The following ADGRA1 variants were observed in gnomAD, a reference collection of about 807,000 sequenced individuals.
The protein encoded by ADGRA1 is G-protein coupled receptor 123.
ADGRA1 carries 12 observed loss-of-function variants against 21.3 expected under a neutral mutation model. The ratio of observed to expected loss-of-function variants is 0.56; its 90% CI spans 0.36 to 0.91. The LOEUF (loss-of-function observed/expected upper bound fraction) is 0.91, where lower values mean the gene tolerates loss of function less well. ADGRA1 is among the 40% of genes least tolerant of loss of function. The probability of loss-of-function intolerance (pLI) is 0.01; values close to 1 mark genes in which losing one functional copy is unlikely to be tolerated. For missense variants in ADGRA1, 790 were observed against 805.6 expected, an observed-to-expected ratio of 0.98 and a Z score of 0.23; for synonymous variants, 385 against 368.8, an observed-to-expected ratio of 1.04 and a Z score of -0.50.
intron 2 of ADGRA1, 113 bp downstream of exon 2, chr10:133,089,025 ACCGGGCTT>A (rs1180914120): frequency 2.8e-5 from 35 of 1,234,252 alleles, no homozygotes; most frequent in Non-Finnish European, 3.4e-5. Context: ...CGAGCTGGTG[ACCGGGCTT>A]CCGGGCTCAG....
At chr10:133,088,503 C>G (rs1333363192) in intron 1 of ADGRA1, 1 of 206,886 alleles carries the variant, frequency 4.8e-6, no homozygotes, top group Non-Finnish European at 9.5e-6. Flanking sequence ...GAGAAGGAGA[C>G]GCATCTGCCG....
chr10:133,110,906 G>A (rs1231748860), intron 5 of ADGRA1, among the ~76,000 whole-genome samples: 1 of 152,148 alleles, frequency 6.6e-6, no homozygotes, highest in African/African-American at 2.4e-5. Context: ...CACAGGTGCT[G>A]CTGGATAATT....
Position 133,129,087 on chromosome 10 carries a change from G to A in ADGRA1, c.1259G>A (p.Arg420Lys). Residue 420 changes from arginine to lysine, a missense_variant, in exon 7 of 7, where the codon AGA becomes AAA. By Grantham distance (26) the Arg-to-Lys change is conservative. This residue lies in a region of ADGRA1 where 391 missense variants were observed against 351.5 expected (regional missense o/e 1.11). Coordinates refer to ENST00000392607, the MANE Select transcript of ADGRA1 (RefSeq NM_001083909.3). ...DPHLHGCLQG[R>K]TKPPYFSRHP... ...CACCTGCACGGGTGCCTTCAGGGCAGAACTAAGCCGCCCTACTTTAGCCGG... is the reference window on the plus strand; with the variant it reads ...CACCTGCACGGGTGCCTTCAGGGCAAAACTAAGCCGCCCTACTTTAGCCGG... 1 of 1,550,256 alleles carries A rather than the reference G, an allele frequency of 6.5e-7. No individual in the cohort carries two copies. The highest frequency in any genetic ancestry group is 8.7e-7 in the Non-Finnish European group (1 of 1,145,464).
At position 133,128,718 on chromosome 10, in the gene ADGRA1, C is replaced by G. The variant is rs1229267231; in HGVS notation, c.890C>G (p.Thr297Ser). Reference protein sequence around the residue: ...FSCLYGAFCVTLGLFVLIHHC... With the variant: ...FSCLYGAFCVSLGLFVLIHHC... Reference sequence around the variant, plus strand: ...TGCCTGTACGGCGCCTTCTGCGTGACCCTGGGACTCTTCGTGCTCATCCAC... The same window carrying G: ...TGCCTGTACGGCGCCTTCTGCGTGAGCCTGGGACTCTTCGTGCTCATCCAC... Residue 297 changes from threonine (T) to serine (S), a missense_variant, in exon 7 of 7, where the codon ACC becomes AGC. Physicochemically the swap from Thr to Ser is moderately conservative, Grantham distance 58. This residue lies in a region of ADGRA1 where 17 missense variants were observed against 38.5 expected (regional missense o/e 0.44). Transcript: ENST00000392607. 2 of 1,612,198 alleles carry G rather than the reference C, an allele frequency of 1.2e-6. No homozygotes were observed. The highest frequency in any genetic ancestry group is 1.7e-6 in the Non-Finnish European group (2 of 1,179,630).
chr10:133,096,923 C>G, intron 2 of ADGRA1, 51 bp from the exon 3 acceptor site: 16 of 1,581,990 alleles, frequency 1.0e-5, no homozygotes, highest in Non-Finnish European at 1.4e-5. Flanking sequence ...ACGGCGCCGC[C>G]CACACAGACC....
At chr10:133,123,658 A>G (rs902062097) in intron 5 of ADGRA1, among the ~76,000 whole-genome samples, 5 of 152,152 alleles carry the variant, frequency 3.3e-5, no homozygotes, top group Admixed American at 2.6e-4. Context: ...AGAGGCCGTA[A>G]GGTCCGAAAT....
Position 133,122,883 on chromosome 10 carries a change from G to A in ADGRA1, c.402-4350G>A, listed in dbSNP as rs147787534. Among the ~76,000 whole-genome samples, 229 of 151,244 alleles carry A rather than the reference G, an allele frequency of 1.5e-3. 2 individuals are homozygous for A. Among genetic ancestry groups the A allele is most frequent in the African/African-American group, 5.2e-3 (211 of 40,736 alleles). ...CGCGTCCCCAGGCTGCACTGGCTTC[G>A]AGCTGTGTGTTCCTGGAGTTGTTGT... On this transcript the variant is annotated intron_variant, in intron 5 of 6. Transcript: ENST00000392607.
chr10:133,101,757 C>T (rs1333399567), intron 4 of ADGRA1, among the ~76,000 whole-genome samples: 1 of 152,206 alleles, frequency 6.6e-6, no homozygotes, highest in African/African-American at 2.4e-5. Flanking sequence ...CACGACCCCA[C>T]ACTCAGTGGC....
chr10:133,113,863 C>T (rs114867428), intron 5 of ADGRA1, among the ~76,000 whole-genome samples: 1,715 of 152,346 alleles, frequency 0.011, 39 homozygotes, highest in African/African-American at 0.039. Flanking sequence ...TGTGGACCCT[C>T]GGACGTCAGG....
intron 2 of ADGRA1, among the ~76,000 whole-genome samples, chr10:133,092,626 C>G (rs537216647): frequency 5.5e-4 from 83 of 152,092 alleles, no homozygotes; most frequent in Non-Finnish European, 1.1e-3. Flanking sequence ...ACATCAGGCT[C>G]TCAGGAAATC....
At chr10:133,121,487 G>A (rs1852255730) in intron 5 of ADGRA1, among the ~76,000 whole-genome samples, 1 of 149,200 alleles carries the variant, frequency 6.7e-6, no homozygotes, top group Non-Finnish European at 1.5e-5. Flanking sequence ...CATGTGTGGT[G>A]TGTGCCAGTG....
intron 5 of ADGRA1, among the ~76,000 whole-genome samples, chr10:133,126,479 G>A (rs1270115745): frequency 1.3e-5 from 2 of 152,170 alleles, no homozygotes. Context: ...CATGGGGGAT[G>A]GTCTCTGAGC....
chr10:133,123,699 G>A (rs1230662278), intron 5 of ADGRA1, among the ~76,000 whole-genome samples: 1 of 130,524 alleles, frequency 7.7e-6, no homozygotes, highest in African/African-American at 3.1e-5. Flanking sequence ...CGAGTTGTGG[G>A]GAGGACTGCC....
chr10:133,102,960 C>T, intron 5 of ADGRA1, 118 bp downstream of exon 5: 1 of 1,119,168 alleles, frequency 8.9e-7, no homozygotes, highest in Non-Finnish European at 1.3e-6. Context: ...TGATCCGGTC[C>T]ATGGGGGAGG....
chr10:133,111,429 G>A (rs11596931), intron 5 of ADGRA1, among the ~76,000 whole-genome samples: 100 of 9,246 alleles, frequency 0.011, 3 homozygotes, highest in Non-Finnish European at 0.012. Flanking sequence ...TGCCCACCAC[G>A]GACACCTCCC....
intron 5 of ADGRA1, among the ~76,000 whole-genome samples, chr10:133,119,603 C>A (rs1852220276): frequency 6.6e-6 from 1 of 152,212 alleles, no homozygotes; most frequent in African/African-American, 2.4e-5. Context: ...TCAGTAATGT[C>A]CACGGCATCT....
rs2135914732 is a variant in ADGRA1, at chr10:133,129,483, G to T, written c.1655G>T (p.Gly552Val). 1 of 1,597,760 alleles carries T rather than the reference G, an allele frequency of 6.3e-7. No homozygotes were observed. The highest frequency in any genetic ancestry group is 8.5e-7 in the Non-Finnish European group (1 of 1,179,068). Reference protein sequence around the residue: ...GTDGTGNIRTGPWKNETTV With the variant: ...GTDGTGNIRTVPWKNETTV ...GACGGGACCGGCAACATCCGAACGG[G>T]ACCCTGGAAAAACGAAACTACTGTG... The change falls in exon 7 of 7, where the codon GGA becomes GTA. Residue 552 changes from glycine to valine, a missense_variant. By Grantham distance (109) the Gly-to-Val change is moderately radical (BLOSUM62 -3). Around this residue, in one of 3 missense-constraint regions of ADGRA1, gnomAD observed 391 missense variants for 351.5 expected, o/e 1.11. Transcript: ENST00000392607.
chr10:133,111,259 ACAGGCACC>A (rs1851995705), intron 5 of ADGRA1, among the ~76,000 whole-genome samples: 19 of 90,392 alleles, frequency 2.1e-4, no homozygotes, highest in Non-Finnish European at 2.5e-4. Flanking sequence ...CCTGCCCACC[ACAGGCACC>A]TCCCTCCTAA....
intron 5 of ADGRA1, among the ~76,000 whole-genome samples, chr10:133,112,288 G>C (rs1852047096): frequency 6.6e-6 from 1 of 152,252 alleles, no homozygotes. Context: ...AGTGCACCAA[G>C]CTGTGTCAGT....
Sources: gnomAD v4.1 joint callset for allele counts (sites outside exome capture counted in the v4.1 genomes callset) on GRCh38, gnomAD v4.1.1 for gene constraint, gnomAD v4.1.1 regional missense constraint, MANE v1.5 for transcripts, NCBI Gene and HGNC (gene_info 2026-07-23, HGNC 2026-07-21) for gene names.